Variants in PACRG observed in about 807,000 individuals in gnomAD.
The protein encoded by PACRG is parkin coregulated.
PACRG carries 29 observed loss-of-function variants against 29.7 expected under a neutral mutation model. That is an observed-to-expected ratio of 0.98 (90% CI 0.73 to 1.33). PACRG has a LOEUF of 1.33. PACRG is among the 40% of genes most tolerant of loss of function. The pLI, the probability that PACRG is intolerant of heterozygous loss-of-function variation, is 0.00. For synonymous variants in PACRG, 116 were observed against 118.7 expected (o/e 0.98, Z 0.15); for missense variants, 279 against 316.2 (o/e 0.88, Z 0.89).
rs184067050 is a variant in PACRG, at chr6:163,276,694, G to T, written c.614-38133G>T. On this transcript the variant is annotated intron_variant, in intron 4 of 4. Transcript: ENST00000366888. ...TAGATCATGAGGGCTCTGCCCTCAT[G>T]AATGATATTAACACCCTTAGAGAAT... is the stretch of plus-strand genomic sequence containing the variant. Among the ~76,000 whole-genome samples, 488 of 152,272 alleles carry T rather than the reference G, an allele frequency of 3.2e-3. 2 individuals carry two copies. Among genetic ancestry groups the T allele is most frequent in the Non-Finnish European group, 5.3e-3 (360 of 68,018 alleles).
intron 2 of PACRG, among the ~76,000 whole-genome samples, chr6:162,937,489 G>A (rs796864589): frequency 1.2e-4 from 19 of 152,242 alleles, no homozygotes; most frequent in African/African-American, 4.3e-4. Context: ...CTAGATCTCA[G>A]CTTGTCCACA....
chr6:163,286,854 TTA>T (rs749348301), intron 4 of PACRG, among the ~76,000 whole-genome samples: 7 of 151,200 alleles, frequency 4.6e-5, no homozygotes, highest in Middle Eastern at 3.4e-3. Flanking sequence ...ATATGTGTAT[TTA>T]TGTGTGTGTT....
chr6:162,878,475 A>G (rs990023204), intron 2 of PACRG, among the ~76,000 whole-genome samples: 16 of 152,212 alleles, frequency 1.1e-4, no homozygotes, highest in Non-Finnish European at 1.5e-4. Context: ...TGTTACAAAT[A>G]TTGAATAGAC....
intron 2 of PACRG, among the ~76,000 whole-genome samples, chr6:162,985,139 G>A (rs1399380291): frequency 6.6e-6 from 1 of 151,966 alleles, no homozygotes; most frequent in Non-Finnish European, 1.5e-5. Flanking sequence ...AAGAAGAATT[G>A]GTACCAATCA....
At chr6:163,289,609 T>G (rs2038091) in intron 4 of PACRG, among the ~76,000 whole-genome samples, 1 of 152,068 alleles carries the variant, frequency 6.6e-6, no homozygotes, top group African/African-American at 2.4e-5. Flanking sequence ...TAAATACCAG[T>G]CCCAGCCATC....
At chr6:163,302,723 A>G (rs1388408231) in intron 4 of PACRG, among the ~76,000 whole-genome samples, 1 of 152,248 alleles carries the variant, frequency 6.6e-6, no homozygotes, top group Non-Finnish European at 1.5e-5. Context: ...AAGCTAAGAT[A>G]TATCCCAAAT....
At chr6:162,771,493 C>T (rs1299004824) in intron 1 of PACRG, among the ~76,000 whole-genome samples, 2 of 151,984 alleles carry the variant, frequency 1.3e-5, no homozygotes, top group South Asian at 2.1e-4. Flanking sequence ...AAGTGGAAGG[C>T]GGGAGTGGAG....
intron 2 of PACRG, among the ~76,000 whole-genome samples, chr6:162,846,859 C>T (rs1790426671): frequency 6.6e-6 from 1 of 151,862 alleles, no homozygotes; most frequent in African/African-American, 2.4e-5. Flanking sequence ...CTGTGATGCT[C>T]CCCATGCTGA....
intron 4 of PACRG, among the ~76,000 whole-genome samples, chr6:163,181,654 C>T (rs1390783306): frequency 1.3e-5 from 2 of 148,814 alleles, no homozygotes; most frequent in African/African-American, 4.9e-5. Flanking sequence ...TCCGGCCAAC[C>T]CTTTTTATAG....
chr6:162,990,378 T>C (rs1584950902), intron 2 of PACRG, among the ~76,000 whole-genome samples: 1 of 151,038 alleles, frequency 6.6e-6, no homozygotes, highest in South Asian at 2.1e-4. Flanking sequence ...TTCCTATTTC[T>C]CCACATCCTC....
intron 1 of PACRG, among the ~76,000 whole-genome samples, chr6:162,791,307 G>GTTTTTTTTTTTTTTT (rs141410582): frequency 8.5e-6 from 1 of 117,880 alleles, no homozygotes; most frequent in East Asian, 3.0e-4. Context: ...TAGTTTGTTT[G>GTTTTTTTTTTTTTTT]TTTGTTTTTT....
chr6:163,134,893 G>GA (rs1397125017), intron 4 of PACRG, among the ~76,000 whole-genome samples: 1 of 151,958 alleles, frequency 6.6e-6, no homozygotes, highest in Non-Finnish European at 1.5e-5. Context: ...TTCTTAAGGG[G>GA]AAAAAAACAT....
chr6:163,301,469 C>T (rs1225446807), intron 4 of PACRG, among the ~76,000 whole-genome samples: 1 of 152,132 alleles, frequency 6.6e-6, no homozygotes, highest in East Asian at 1.9e-4. Flanking sequence ...TGCAAGGTAC[C>T]AGTCTAGACT....
At chr6:163,194,615 G>A (rs1416624115) in intron 4 of PACRG, among the ~76,000 whole-genome samples, 59 of 152,310 alleles carry the variant, frequency 3.9e-4, no homozygotes, top group Non-Finnish European at 3.4e-4. Flanking sequence ...GGGTGTCCGA[G>A]GTGTTTGTAG....
intron 1 of PACRG, among the ~76,000 whole-genome samples, chr6:162,783,823 A>G (rs1468604341): frequency 6.6e-6 from 1 of 152,106 alleles, no homozygotes; most frequent in Non-Finnish European, 1.5e-5. Flanking sequence ...CTAACAGCAT[A>G]TAAGTGTATT....
At chr6:162,760,438 G>T (rs1048130477) in intron 1 of PACRG, among the ~76,000 whole-genome samples, 1 of 152,210 alleles carries the variant, frequency 6.6e-6, no homozygotes, top group African/African-American at 2.4e-5. Context: ...TGTTTAAGGA[G>T]CATTGTGAGA....
chr6:163,261,690 G>A (rs1783331587), intron 4 of PACRG, among the ~76,000 whole-genome samples: 1 of 152,152 alleles, frequency 6.6e-6, no homozygotes, highest in African/African-American at 2.4e-5. Context: ...TGAAATACTT[G>A]GGGGGAAAAT....
At chr6:163,193,010 T>A (rs543311754) in intron 4 of PACRG, among the ~76,000 whole-genome samples, 7 of 152,350 alleles carry the variant, frequency 4.6e-5, no homozygotes, top group African/African-American at 1.7e-4. Flanking sequence ...AAGCCTTTTT[T>A]AAACCCAATA....
intron 4 of PACRG, among the ~76,000 whole-genome samples, chr6:163,272,317 G>A (rs1009737676): frequency 7.2e-5 from 11 of 152,150 alleles, no homozygotes; most frequent in South Asian, 4.1e-4. Context: ...GATTACAGGC[G>A]TAAGCCACCG....
Sources: allele counts gnomAD v4.1 joint callset (sites outside exome capture counted in the v4.1 genomes callset), GRCh38; gene constraint gnomAD v4.1.1; transcripts MANE v1.5; gene names NCBI Gene and HGNC (gene_info 2026-07-23, HGNC 2026-07-21).